Variants in APP observed in about 807,000 individuals in gnomAD.
APP encodes the protein amyloid-beta precursor protein.
APP carries 31 observed loss-of-function variants against 101.4 expected under a neutral mutation model. The observed-to-expected ratio is 0.31, with a 90% CI of 0.23 to 0.41. APP has a LOEUF of 0.41. APP is among the 10% of genes least tolerant of loss of function. The pLI is 1.00. For missense variants in APP, 839 were observed against 1,003.7 expected (o/e 0.84, Z 2.22); for synonymous variants, 366 against 364.4 (o/e 1.00, Z -0.05).
At chr21:25,988,050 A>G (rs1215348873) in intron 8 of APP, among the ~76,000 whole-genome samples, 1 of 152,194 alleles carries the variant, frequency 6.6e-6, no homozygotes, top group Non-Finnish European at 1.5e-5. Flanking sequence ...GGGGAAAGGT[A>G]GACCGCAGTA....
chr21:26,034,156 GATA>G (rs1428048441), intron 5 of APP, among the ~76,000 whole-genome samples: 1 of 152,104 alleles, frequency 6.6e-6, no homozygotes, highest in Non-Finnish European at 1.5e-5. Flanking sequence ...TTTCTGCATG[GATA>G]ATATGTCCCA....
Position 25,997,497 on chromosome 21 carries a change from CAAAA to C in APP, c.1034-85_1034-82del. 3.2e-6 allele frequency: 4 copies of C among 1,263,162 alleles called. 1 individual carries two copies. The Admixed American group carries it at 6.9e-5, about 22-fold the overall frequency. 78.2% of individuals were successfully genotyped at this position (1,263,162 alleles called of 1,614,324 possible). A position where few individuals can be genotyped will look rare whatever the true frequency, so the allele number is the denominator to read the frequency against. ...TGGCTGAAATGCACGAGTCCACTGA[CAAAA>C]AAACAACCTAACAAACAAAATCACT... is the stretch of plus-strand genomic sequence containing the variant. On this transcript the variant is annotated intron_variant, in intron 7 of 17. Coordinates refer to ENST00000346798, the MANE Select transcript of APP (RefSeq NM_000484.4).
chr21:26,170,170 G>C (rs943817142), intron 1 of APP, among the ~76,000 whole-genome samples: 1 of 152,206 alleles, frequency 6.6e-6, no homozygotes, highest in African/African-American at 2.4e-5. Flanking sequence ...ACTGGCTTTA[G>C]GGACGCTGCG....
At chr21:25,980,287 A>T (rs1221461965) in intron 9 of APP, among the ~76,000 whole-genome samples, 1 of 152,134 alleles carries the variant, frequency 6.6e-6, no homozygotes, top group Non-Finnish European at 1.5e-5. Context: ...TTTTTTTACG[A>T]CTTCATGTGC....
At chr21:25,945,822 G>A (rs1600985389) in intron 13 of APP, 3 of 445,342 alleles carry the variant, frequency 6.7e-6, no homozygotes, top group East Asian at 7.4e-5. Context: ...CTGAGTAGCT[G>A]GGACTACAAA....
intron 8 of APP, among the ~76,000 whole-genome samples, chr21:25,984,611 G>C (rs1240265845): frequency 6.6e-6 from 1 of 152,048 alleles, no homozygotes; most frequent in African/African-American, 2.4e-5. Context: ...CGTTCTTACT[G>C]ACTTTAACTT....
intron 13 of APP, chr21:25,945,417 G>C (rs73899723): frequency 1.7e-5 from 2 of 115,140 alleles, no homozygotes; most frequent in South Asian, 5.7e-4. Flanking sequence ...AAATGGTAGT[G>C]GGGGCAGGGG....
chr21:26,023,437 G>A (rs1015847155), intron 5 of APP, among the ~76,000 whole-genome samples: 11 of 150,674 alleles, frequency 7.3e-5, no homozygotes, highest in African/African-American at 2.7e-4. Context: ...CTACTCAGAA[G>A]GCTGGGGCGG....
chr21:25,899,437 T>A (rs1317075213), intron 15 of APP, among the ~76,000 whole-genome samples: 1 of 152,188 alleles, frequency 6.6e-6, no homozygotes, highest in African/African-American at 2.4e-5. Flanking sequence ...GTGTATGACT[T>A]CTGAGACTGG....
chr21:26,147,859 C>T lies in APP; in HGVS notation c.57+22705G>A, dbSNP rs114749023. The stretch of plus-strand genomic sequence containing the variant: ...GAAGGACTGAAAAATCCAATCCCTC[C>T]CCAACCCCCCCAAAAAAACCTCCCA... On this transcript the variant is annotated intron_variant, in intron 1 of 17. Coordinates refer to ENST00000346798, the MANE Select transcript of APP (RefSeq NM_000484.4). 6.9e-3 allele frequency among the ~76,000 whole-genome samples: 1,045 copies of T among 152,108 alleles called. 7 individuals carry two copies. The highest frequency in any genetic ancestry group is 0.025 in the African/African-American group (1,020 of 41,490).
chr21:26,097,673 T>A (rs1158371739), intron 2 of APP, among the ~76,000 whole-genome samples: 1 of 152,226 alleles, frequency 6.6e-6, no homozygotes, highest in Non-Finnish European at 1.5e-5. Context: ...AGCTCTCACT[T>A]GGGCTAATGG....
At chr21:25,941,048 T>G (rs1305308022) in intron 13 of APP, among the ~76,000 whole-genome samples, 3 of 152,222 alleles carry the variant, frequency 2.0e-5, no homozygotes, top group Non-Finnish European at 4.4e-5. Context: ...ATAATTTGTT[T>G]CAGGACACAC....
In APP at chr21:25,936,436, G is replaced by A. The variant is rs974331877; in HGVS notation, c.1687+18154C>T. ...GGCATGCCTGTAATCTCAGCTACTCGGGAGGCTGAGGCACGAGAATCGCTT... is the reference window on the plus strand; with the variant it reads ...GGCATGCCTGTAATCTCAGCTACTCAGGAGGCTGAGGCACGAGAATCGCTT... On this transcript the variant is annotated intron_variant, in intron 13 of 17. Transcript: ENST00000346798. 7.9e-5 allele frequency among the ~76,000 whole-genome samples: 12 copies of A among 152,172 alleles called. 1 individual carries two copies. Among genetic ancestry groups the A allele is most frequent in the South Asian group, 2.1e-4 (1 of 4,828 alleles).
At chr21:25,946,365 C>T (rs1211796309) in intron 13 of APP, among the ~76,000 whole-genome samples, 1 of 152,062 alleles carries the variant, frequency 6.6e-6, no homozygotes, top group Non-Finnish European at 1.5e-5. Context: ...AAAATTCTTA[C>T]AACTCAATAA....
chr21:25,961,290 C>T (rs2041568212), intron 11 of APP, among the ~76,000 whole-genome samples: 1 of 152,178 alleles, frequency 6.6e-6, no homozygotes, highest in African/African-American at 2.4e-5. Context: ...CCTCATGTCT[C>T]CCTAAAAATG....
rs201233001 is a variant in APP, at chr21:25,975,779, AT to A, written c.1299+174del. ...TATAACTTGAAATAATTGGGAGCAA[AT>A]ATAAGGCAGGATTTAAACAACTCAA... On this transcript the variant is annotated intron_variant, in intron 10 of 17. Transcript: ENST00000346798. Among the ~76,000 whole-genome samples the A allele has an allele frequency of 4.7e-3, 720 of 152,348 alleles. 6 individuals carry two copies. Among genetic ancestry groups the A allele is most frequent in the African/African-American group, 0.017 (688 of 41,574 alleles).
intron 1 of APP, among the ~76,000 whole-genome samples, chr21:26,158,762 G>C (rs951226467): frequency 6.6e-6 from 1 of 152,044 alleles, no homozygotes; most frequent in African/African-American, 2.4e-5. Context: ...TGTTTTTTCT[G>C]TCTGGGAAGC....
chr21:26,067,792 C>G (rs1048456514), intron 3 of APP, among the ~76,000 whole-genome samples: 2 of 151,926 alleles, frequency 1.3e-5, no homozygotes, highest in African/African-American at 4.8e-5. Flanking sequence ...CTCTGTATCC[C>G]GAGAGATGAG....
chr21:25,990,240 T>C (rs1226076122), intron 8 of APP, among the ~76,000 whole-genome samples: 1 of 152,236 alleles, frequency 6.6e-6, no homozygotes, highest in African/African-American at 2.4e-5. Flanking sequence ...TAATCTATGA[T>C]GTGTTTACTC....
Sources: allele counts gnomAD v4.1 joint callset (sites outside exome capture counted in the v4.1 genomes callset), GRCh38; gene constraint gnomAD v4.1.1; transcripts MANE v1.5; gene names NCBI Gene and HGNC (gene_info 2026-07-23, HGNC 2026-07-21).